DENND4C: variants seen among roughly 807,000 people sequenced by gnomAD.
DENND4C encodes the protein DENN domain containing 4C.
Under a neutral mutation model 203.0 loss-of-function variants are expected in DENND4C, and 108 were observed. The observed-to-expected ratio is 0.53, with a 90% CI of 0.46 to 0.62. The LOEUF (loss-of-function observed/expected upper bound fraction) is 0.62, where lower values mean the gene tolerates loss of function less well. Ranked by LOEUF, DENND4C falls within the 20% of genes least tolerant of loss-of-function variation. DENND4C has a pLI of 0.00. For synonymous variants in DENND4C, 871 were observed against 792.4 expected (o/e 1.10, Z -1.67); for missense variants, 2,481 against 2,301.2 (o/e 1.08, Z -1.60).
chr9:19,334,517 G>A (rs1233172420), intron 17 of DENND4C, among the ~76,000 whole-genome samples: 1 of 135,208 alleles, frequency 7.4e-6, no homozygotes, highest in Non-Finnish European at 1.6e-5. Context: ...TTGTTTTTGG[G>A]TTTTTTTTTT....
chr9:19,272,313 A>C (rs928607260), intron 1 of DENND4C, among the ~76,000 whole-genome samples: 1 of 151,212 alleles, frequency 6.6e-6, no homozygotes, highest in African/African-American at 2.4e-5. Flanking sequence ...CCAGCTACTC[A>C]GGAGGCTGAG....
intron 21 of DENND4C, among the ~76,000 whole-genome samples, chr9:19,342,301 T>G (rs569961368): frequency 1.3e-5 from 2 of 152,300 alleles, no homozygotes; most frequent in East Asian, 3.9e-4. Flanking sequence ...TTAATGTTAT[T>G]TATTTTATAC....
At chr9:19,319,333 T>TAC (rs1842406293) in intron 12 of DENND4C, among the ~76,000 whole-genome samples, 2 of 110,020 alleles carry the variant, frequency 1.8e-5, no homozygotes, top group East Asian at 2.6e-4. Context: ...TATACATATA[T>TAC]ATACACATAT....
intron 1 of DENND4C, among the ~76,000 whole-genome samples, chr9:19,272,549 G>A (rs768900149): frequency 6.6e-6 from 1 of 152,002 alleles, no homozygotes; most frequent in Non-Finnish European, 1.5e-5. Context: ...GAGCCAATGT[G>A]CCTGGCCAGA....
At chr9:19,307,789 AAATATT>A (rs1402529526) in intron 10 of DENND4C, among the ~76,000 whole-genome samples, 1 of 151,336 alleles carries the variant, frequency 6.6e-6, no homozygotes, top group Non-Finnish European at 1.5e-5. Context: ...AAAAAAAAGA[AAATATT>A]AGCAATAAAT....
rs149912504 is a variant in DENND4C at position 19,318,594 on chromosome 9, C to T, written c.1807+1755C>T. On this transcript the variant is annotated intron_variant, in intron 12 of 32. Transcript: ENST00000434457. ...ACCACAGACTAGGTGGCTTAAACAA[C>T]AGAAATTATTTTCTCGTGGTTTTGG... Among the ~76,000 whole-genome samples, 5 of 152,324 alleles carry T rather than the reference C, an allele frequency of 3.3e-5. No homozygotes were observed. The East Asian group carries it at 9.7e-4, about 29-fold the overall frequency.
At chr9:19,252,978 T>A (rs1295436099) in intron 1 of DENND4C, among the ~76,000 whole-genome samples, 1 of 152,188 alleles carries the variant, frequency 6.6e-6, no homozygotes, top group African/African-American at 2.4e-5. Flanking sequence ...CCTCAAATGA[T>A]CTGCTCCCTG....
chr9:19,299,664 C>A (rs1289530263), intron 8 of DENND4C, among the ~76,000 whole-genome samples: 1 of 152,168 alleles, frequency 6.6e-6, no homozygotes. Flanking sequence ...TGATGTCTTA[C>A]CAGACTATTT....
intron 1 of DENND4C, among the ~76,000 whole-genome samples, chr9:19,262,082 T>C (rs1829510752): frequency 2.8e-5 from 3 of 108,082 alleles, no homozygotes; most frequent in Non-Finnish European, 5.3e-5. Context: ...AGTTCTTTTT[T>C]TTTTTTTTTT....
intron 10 of DENND4C, among the ~76,000 whole-genome samples, chr9:19,305,914 C>T (rs2175377): frequency 0.83 from 125,703 of 152,178 alleles, 52,066 homozygotes; most frequent in East Asian, 0.99. Context: ...TAAAGTTTGG[C>T]TACAGTATAG....
chr9:19,256,100 A>G (rs1255061285), intron 1 of DENND4C, among the ~76,000 whole-genome samples: 4 of 151,798 alleles, frequency 2.6e-5, no homozygotes, highest in East Asian at 1.9e-4. Flanking sequence ...AAAAAAAAAA[A>G]GACCAGATTC....
At position 19,339,256 on chromosome 9, in the gene DENND4C, A is replaced by G. The variant is rs796354486; in HGVS notation, c.2882-1736A>G. 8.5e-5 allele frequency among the ~76,000 whole-genome samples: 13 copies of G among 152,334 alleles called. 1 individual carries two copies. Among genetic ancestry groups the G allele is most frequent in the African/African-American group, 2.9e-4 (12 of 41,580 alleles). On this transcript the variant is annotated intron_variant, in intron 20 of 32. Coordinates refer to ENST00000434457, the MANE Select transcript of DENND4C (RefSeq NM_001330640.2). Reference sequence around the variant, plus strand: ...ACACTTTGGTTACCAAATTCAGGAAAACATTGATATACCACTTTATAATTT... The same window carrying G: ...ACACTTTGGTTACCAAATTCAGGAAGACATTGATATACCACTTTATAATTT...
At chr9:19,318,173 G>T (rs1183232903) in intron 12 of DENND4C, among the ~76,000 whole-genome samples, 1 of 152,060 alleles carries the variant, frequency 6.6e-6, no homozygotes, top group African/African-American at 2.4e-5. Flanking sequence ...ATAAAAATTA[G>T]CCAGGTGTGG....
rs780800080 is a variant in DENND4C at position 19,346,663 on chromosome 9, ATCT to A, written c.3898_3900del (p.Ser1301del). ...ACCTAAAAAGTCCCCTAGGTAGTAA[ATCT>A]TCTAGTATGGAATTACACAGAGAGG... On this transcript the variant is annotated inframe_deletion, in exon 23 of 33. Coordinates refer to ENST00000434457, the MANE Select transcript of DENND4C (RefSeq NM_001330640.2). 10 of 1,614,090 alleles carry A rather than the reference ATCT, an allele frequency of 6.2e-6. No homozygotes were observed. The African/African-American group carries it at 1.2e-4, about 19-fold the overall frequency.
intron 1 of DENND4C, among the ~76,000 whole-genome samples, chr9:19,250,450 C>T (rs1405322637): frequency 6.6e-6 from 1 of 151,968 alleles, no homozygotes; most frequent in East Asian, 1.9e-4. Context: ...TGGTCTTGAA[C>T]TCCTAATCTC....
At chr9:19,231,113 C>T (rs2131288503) in intron 1 of DENND4C, among the ~76,000 whole-genome samples, 1 of 152,322 alleles carries the variant, frequency 6.6e-6, no homozygotes, top group East Asian at 1.9e-4. Flanking sequence ...GCCCGCCGGG[C>T]CCATGAGAAT....
At chr9:19,295,445 C>T (rs1837243166) in intron 5 of DENND4C, among the ~76,000 whole-genome samples, 1 of 151,764 alleles carries the variant, frequency 6.6e-6, no homozygotes, top group Non-Finnish European at 1.5e-5. Context: ...GTGGAGCTTG[C>T]AGTGAGCCGA....
In DENND4C at chr9:19,369,876, A is replaced by G. The variant is rs1468806249; in HGVS notation, c.5564A>G (p.Gln1855Arg). 1 of 1,611,934 alleles carries G rather than the reference A, an allele frequency of 6.2e-7. No homozygotes were observed. The highest frequency in any genetic ancestry group is 1.7e-5 in the Admixed American group (1 of 59,702). The change falls in exon 31 of 33, where the codon CAA (glutamine) becomes CGA (arginine). Residue 1855 changes from glutamine (Q) to arginine (R), a missense_variant. Gln to Arg is a conservative substitution (Grantham distance 43). Transcript: ENST00000434457. ...TCATCTCTCCTGTCAGAGGAACAAC[A>G]AGAAACAAGCACTTTAGTAGAAACC... Reference protein sequence around the residue: ...KKSSLLSEEQQETSTLVETIR... With the variant: ...KKSSLLSEEQRETSTLVETIR...
intron 12 of DENND4C, among the ~76,000 whole-genome samples, chr9:19,323,548 T>A (rs1456082665): frequency 2.0e-5 from 3 of 152,188 alleles, no homozygotes; most frequent in African/African-American, 7.2e-5. Flanking sequence ...ATCAGATGCC[T>A]TGGTCTTCAG....
Sources: allele counts gnomAD v4.1 joint callset (sites outside exome capture counted in the v4.1 genomes callset), GRCh38; gene constraint gnomAD v4.1.1; transcripts MANE v1.5; gene names NCBI Gene and HGNC (gene_info 2026-07-23, HGNC 2026-07-21).